The following NCKAP5 variants were observed in gnomAD, a reference collection of about 807,000 sequenced individuals.
NCKAP5 encodes nck-associated protein 5.
A neutral mutation model predicts 167.0 loss-of-function variants in NCKAP5; 92 were observed. The ratio of observed to expected loss-of-function variants is 0.55; its 90% CI spans 0.47 to 0.66. NCKAP5 has a LOEUF of 0.66. Among genes scored for constraint, NCKAP5 ranks in the 30% least tolerant of loss-of-function variants. The probability of loss-of-function intolerance (pLI) is 0.00; values close to 1 mark genes in which losing one functional copy is unlikely to be tolerated. For missense variants in NCKAP5, 2,378 were observed against 2,315.0 expected, an observed-to-expected ratio of 1.03 and a Z score of -0.56; for synonymous variants, 891 against 877.4, an observed-to-expected ratio of 1.02 and a Z score of -0.27.
At chr2:133,494,639 C>T (rs1681771645) in intron 3 of NCKAP5, among the ~76,000 whole-genome samples, 1 of 152,130 alleles carries the variant, frequency 6.6e-6, no homozygotes, top group Admixed American at 6.6e-5. Flanking sequence ...ATTATACCCT[C>T]CTCTCTATGG....
At chr2:132,751,292 C>A (rs559280992) in intron 16 of NCKAP5, among the ~76,000 whole-genome samples, 2 of 152,200 alleles carry the variant, frequency 1.3e-5, no homozygotes, top group Middle Eastern at 3.4e-3. Context: ...TCTTCTCTTG[C>A]CATGTGGTGC....
At chr2:132,946,982 G>A (rs748787257) in intron 8 of NCKAP5, among the ~76,000 whole-genome samples, 2 of 152,170 alleles carry the variant, frequency 1.3e-5, no homozygotes, top group Admixed American at 6.5e-5. Context: ...AGATCAAAAT[G>A]GATGAAAAAA....
At chr2:133,332,084 A>C (rs1033006988) in intron 3 of NCKAP5, among the ~76,000 whole-genome samples, 1 of 152,212 alleles carries the variant, frequency 6.6e-6, no homozygotes, top group Non-Finnish European at 1.5e-5. Context: ...GATGAGAAAA[A>C]GTGTGCCCTC....
intron 6 of NCKAP5, among the ~76,000 whole-genome samples, chr2:133,063,782 C>T (rs924290489): frequency 3.3e-5 from 5 of 152,214 alleles, no homozygotes; most frequent in Non-Finnish European, 7.3e-5. Flanking sequence ...CAACTTTTGA[C>T]TCTTCCTGGC....
rs192742590 is a variant in NCKAP5 at position 133,556,109 on chromosome 2, T to C, written c.-62+2941A>G. 1.7e-3 allele frequency among the ~76,000 whole-genome samples: 255 copies of C among 152,268 alleles called. 2 individuals are homozygous for C. The highest frequency in any genetic ancestry group is 5.6e-3 in the African/African-American group (234 of 41,570). Reference sequence around the variant, plus strand: ...CTGGAAGTCAGTATGGTGGTTACCTTAGAGAATGTGACTGAAAGGGAATTT... The same window carrying C: ...CTGGAAGTCAGTATGGTGGTTACCTCAGAGAATGTGACTGAAAGGGAATTT... On this transcript the variant is annotated intron_variant, in intron 2 of 19. Coordinates refer to ENST00000409261, the MANE Select transcript of NCKAP5 (RefSeq NM_207363.3).
chr2:133,327,180 T>C (rs1360835023), intron 3 of NCKAP5, among the ~76,000 whole-genome samples: 1 of 152,178 alleles, frequency 6.6e-6, no homozygotes, highest in Admixed American at 6.5e-5. Flanking sequence ...GGGAATCTAA[T>C]TTAGAGTTCT....
chr2:133,365,542 C>CACAT (rs1216070233), intron 3 of NCKAP5, among the ~76,000 whole-genome samples: 2 of 152,038 alleles, frequency 1.3e-5, no homozygotes, highest in African/African-American at 4.8e-5. Flanking sequence ...CACACACACA[C>CACAT]ACGTATATAT....
chr2:133,115,775 GTA>G (rs10683280), intron 6 of NCKAP5, among the ~76,000 whole-genome samples: 6,987 of 93,778 alleles, frequency 0.075, 187 homozygotes, highest in Non-Finnish European at 0.1. Flanking sequence ...ATGTGTGTGT[GTA>G]TATATATATA....
chr2:133,643,558 T>G, the NCKAP5 span, among the ~76,000 whole-genome samples: 1 of 152,132 alleles, frequency 6.6e-6, no homozygotes, highest in Non-Finnish European at 1.5e-5. Flanking sequence ...TATACCCCCA[T>G]TGCCAATGCC....
intron 16 of NCKAP5, among the ~76,000 whole-genome samples, chr2:132,740,817 T>C (rs1219042001): frequency 6.6e-6 from 1 of 152,032 alleles, no homozygotes; most frequent in African/African-American, 2.4e-5. Context: ...AGGGGATGAA[T>C]ATTTTTAAAA....
intron 6 of NCKAP5, chr2:133,118,643 A>G (rs890030477): frequency 6.6e-6 from 1 of 152,186 alleles, no homozygotes; most frequent in Non-Finnish European, 1.5e-5. Flanking sequence ...TTTTGTGATA[A>G]AAGTCTGTAA....
At chr2:133,432,012 AT>A (rs1388506288) in intron 3 of NCKAP5, among the ~76,000 whole-genome samples, 1 of 152,170 alleles carries the variant, frequency 6.6e-6, no homozygotes, top group East Asian at 1.9e-4. Context: ...CACCAAACAC[AT>A]GGATCCGATA....
At chr2:133,408,868 G>A (rs1438185862) in intron 3 of NCKAP5, among the ~76,000 whole-genome samples, 1 of 152,208 alleles carries the variant, frequency 6.6e-6, no homozygotes, top group East Asian at 1.9e-4. Context: ...ACTGGGACAA[G>A]AAGATCAGAG....
chr2:133,008,969 C>A (rs970705575), intron 6 of NCKAP5, among the ~76,000 whole-genome samples: 3 of 152,174 alleles, frequency 2.0e-5, no homozygotes, highest in Non-Finnish European at 2.9e-5. Flanking sequence ...CATCATGCAT[C>A]CTCCAGGTTC....
intron 3 of NCKAP5, among the ~76,000 whole-genome samples, chr2:133,369,374 T>A (rs543842716): frequency 1.2e-4 from 18 of 152,312 alleles, no homozygotes; most frequent in African/African-American, 3.8e-4. Flanking sequence ...AGGTTTGGAA[T>A]GGATGTCTCT....
At chr2:132,813,541 T>C (rs1050050769) in intron 11 of NCKAP5, among the ~76,000 whole-genome samples, 54 of 152,242 alleles carry the variant, frequency 3.5e-4, no homozygotes, top group African/African-American at 1.3e-3. Context: ...TTATGCTGCA[T>C]GCTAGAAAAG....
Position 133,247,439 on chromosome 2 carries a change from C to A in NCKAP5, c.144-33660G>T, listed in dbSNP as rs184790539. Among the ~76,000 whole-genome samples, 751 of 152,252 alleles carry A rather than the reference C, an allele frequency of 4.9e-3. 3 individuals are homozygous for A. Among genetic ancestry groups the A allele is most frequent in the Non-Finnish European group, 8.3e-3 (565 of 68,018 alleles). On this transcript the variant is annotated intron_variant, in intron 4 of 19. Coordinates refer to ENST00000409261, the MANE Select transcript of NCKAP5 (RefSeq NM_207363.3). ...TTAAAATCACATAAGAATTTCCAAA[C>A]CCCTTCAAATTTTACAGCATTAAAT...
intron 16 of NCKAP5, among the ~76,000 whole-genome samples, chr2:132,732,591 T>G (rs186201061): frequency 6.6e-6 from 1 of 152,338 alleles, no homozygotes; most frequent in East Asian, 1.9e-4. Context: ...CAATAGTCGC[T>G]TGTGCATATA....
Position 132,731,918 on chromosome 2 carries a change from G to A in NCKAP5, c.5262C>T (p.Leu1754=). ...SPEDAEPLLP[L]QSALSAVSSM... ...AAGAAACTGCAGAAAGGGCTGACTG[G>A]AGAGGCAGGAGAGGCTCAGCGTCCT... The change falls in exon 17 of 20, where the codon CTC becomes CTT. Residue 1754 remains leucine, a synonymous_variant. Transcript: ENST00000409261. 1.2e-6 allele frequency: 2 copies of A among 1,613,986 alleles called. No individual in the cohort carries two copies. The highest frequency in any genetic ancestry group is 1.7e-6 in the Non-Finnish European group (2 of 1,179,890).
Sources: gnomAD v4.1 joint callset for allele counts (sites outside exome capture counted in the v4.1 genomes callset) on GRCh38, gnomAD v4.1.1 for gene constraint, MANE v1.5 for transcripts, NCBI Gene and HGNC (gene_info 2026-07-23, HGNC 2026-07-21) for gene names.